PSD2: variants seen among roughly 807,000 people sequenced by gnomAD.
PSD2 encodes the protein PH and SEC7 domain-containing protein 2.
Under a neutral mutation model 69.8 loss-of-function variants are expected in PSD2, and 38 were observed. The observed-to-expected ratio is 0.54, with a 90% confidence interval of 0.42 to 0.71. The LOEUF (loss-of-function observed/expected upper bound fraction) is 0.71. Among genes scored for constraint, PSD2 ranks in the 30% least tolerant of loss-of-function variants. The probability of loss-of-function intolerance (pLI) is 0.00; values close to 1 mark genes in which losing one functional copy is unlikely to be tolerated. For missense variants in PSD2, 943 were observed against 1,014.5 expected (o/e 0.93, Z 0.96); for synonymous variants, 412 against 423.0 (o/e 0.97, Z 0.32).
intron 1 of PSD2, among the ~76,000 whole-genome samples, chr5:139,808,427 C>T (rs1446268994): frequency 6.6e-6 from 1 of 152,152 alleles, no homozygotes; most frequent in African/African-American, 2.4e-5. Flanking sequence ...AAATGGGTCT[C>T]CTCATTTTAC....
the PSD2 span, among the ~76,000 whole-genome samples, chr5:139,768,567 T>A: frequency 6.6e-6 from 1 of 151,950 alleles, no homozygotes; most frequent in Non-Finnish European, 1.5e-5. Context: ...CTACTAAAAA[T>A]ACAAAATTAG....
chr5:139,746,820 G>A, the PSD2 span, among the ~76,000 whole-genome samples: 1 of 152,192 alleles, frequency 6.6e-6, no homozygotes, highest in Non-Finnish European at 1.5e-5. The surrounding 1 kb of genome is among the most constrained non-coding windows in gnomAD (Gnocchi z 4.5). Flanking sequence ...GTGGCGTAGC[G>A]ATGGAGGGCG....
chr5:139,808,054 G>C (rs1420685214), intron 1 of PSD2, among the ~76,000 whole-genome samples: 1 of 152,200 alleles, frequency 6.6e-6, no homozygotes, highest in African/African-American at 2.4e-5. Context: ...AGCCTAGAAG[G>C]GCAGCCAGTG....
the PSD2 span, among the ~76,000 whole-genome samples, chr5:139,790,784 T>C: frequency 1.3e-5 from 2 of 152,000 alleles, no homozygotes; most frequent in South Asian, 4.2e-4. Context: ...GGTTCATGCT[T>C]GTAATCCCAG....
intron 5 of PSD2, among the ~76,000 whole-genome samples, chr5:139,819,126 T>C (rs1165768387): frequency 3.3e-5 from 5 of 152,256 alleles, no homozygotes; most frequent in Non-Finnish European, 5.9e-5. Flanking sequence ...CTGTATACTT[T>C]GTATAGAATT....
chr5:139,750,451 C>T, the PSD2 span, among the ~76,000 whole-genome samples: 1 of 152,244 alleles, frequency 6.6e-6, no homozygotes, highest in Non-Finnish European at 1.5e-5. Context: ...CTCAGGAGGG[C>T]TGCCCTCCAT....
Position 139,842,585 on chromosome 5 carries a change from T to C in PSD2, c.*111T>C, listed in dbSNP as rs2126974415. On this transcript the variant is annotated 3_prime_UTR_variant, in exon 15 of 15. Transcript: ENST00000274710. ...AAGCTCCAGTCAGTTGATGGGCAGC[T>C]AGAGGGGTGCAGAAAGCCTGTGGGC... 1 of 950,320 alleles carries C rather than the reference T, an allele frequency of 1.1e-6. No homozygotes were observed. The highest frequency in any genetic ancestry group is 1.6e-6 in the Non-Finnish European group (1 of 618,922). 58.9% of individuals were successfully genotyped at this position (950,320 alleles called of 1,614,324 possible). A position where few individuals can be genotyped will look rare whatever the true frequency, so the allele number is the denominator to read the frequency against.
chr5:139,818,276 G>A (rs1209531452), intron 5 of PSD2, among the ~76,000 whole-genome samples: 1 of 152,160 alleles, frequency 6.6e-6, no homozygotes, highest in Admixed American at 6.5e-5. Context: ...CAGGCACAGT[G>A]GCTCATACCT....
At chr5:139,840,310 C>A in intron 14 of PSD2, 140 bp downstream of exon 14, 1 of 945,552 alleles carries the variant, frequency 1.1e-6, no homozygotes. Context: ...ACAGGGTCCC[C>A]TGACCTTTAG....
intron 1 of PSD2, 149 bp downstream of exon 1, chr5:139,796,124 C>T (rs1401117135): frequency 1.3e-5 from 2 of 152,202 alleles, no homozygotes; most frequent in Non-Finnish European, 2.9e-5. Flanking sequence ...AGCTACATTT[C>T]CAGATCAATT....
chr5:139,807,350 G>GC (rs985578197), intron 1 of PSD2, among the ~76,000 whole-genome samples: 11 of 149,320 alleles, frequency 7.4e-5, no homozygotes, highest in South Asian at 2.1e-4. Context: ...CTTTCTAAAT[G>GC]CCCCCCCTCC....
chr5:139,822,802 C>G lies in PSD2; in HGVS notation c.1269+18C>G, dbSNP rs1050379891. ...ACGGCCACGTGAGTTGGGGAGGTGACGGGGGGTGTCGCATGTCCTCTCAGG... is the reference window on the plus strand; with the variant it reads ...ACGGCCACGTGAGTTGGGGAGGTGAGGGGGGGTGTCGCATGTCCTCTCAGG... On this transcript the variant is annotated intron_variant, in intron 7 of 14. Coordinates refer to ENST00000274710, the MANE Select transcript of PSD2 (RefSeq NM_032289.4). 1 of 1,597,282 alleles carries G rather than the reference C, an allele frequency of 6.3e-7. No homozygotes were observed. The highest frequency in any genetic ancestry group is 2.3e-5 in the East Asian group (1 of 43,706).
At chr5:139,747,021 C>T in the PSD2 span, among the ~76,000 whole-genome samples, 1 of 152,168 alleles carries the variant, frequency 6.6e-6, no homozygotes, top group Non-Finnish European at 1.5e-5. The surrounding 1 kb of genome is among the most constrained non-coding windows in gnomAD (Gnocchi z 6.7). Flanking sequence ...CGCCCTCCTC[C>T]CACTTTCATT....
chr5:139,813,110 T>G (rs1445572988), intron 2 of PSD2, among the ~76,000 whole-genome samples, 199 bp from the exon 3 acceptor site: 4 of 152,194 alleles, frequency 2.6e-5, no homozygotes, highest in Non-Finnish European at 5.9e-5. Context: ...CCAGGTCTGC[T>G]CTTTTCCCTG....
chr5:139,804,409 A>G (rs1023729847), intron 1 of PSD2, among the ~76,000 whole-genome samples: 5 of 152,192 alleles, frequency 3.3e-5, no homozygotes, highest in Admixed American at 2.6e-4. Flanking sequence ...TCAAGGATGG[A>G]TAGAGGGCTT....
At chr5:139,766,907 C>CTTT in the PSD2 span, among the ~76,000 whole-genome samples, 2 of 48,438 alleles carry the variant, frequency 4.1e-5, no homozygotes, top group African/African-American at 6.1e-5. Context: ...CTCTTTCCCT[C>CTTT]CCTTCCTTCC....
intron 9 of PSD2, 95 bp downstream of exon 9, chr5:139,835,861 G>A (rs1179515185): frequency 8.2e-7 from 1 of 1,213,908 alleles, no homozygotes; most frequent in African/African-American, 1.5e-5. Flanking sequence ...ACTCTCCATG[G>A]TGCTGATCCC....
chr5:139,750,846 G>T, the PSD2 span, among the ~76,000 whole-genome samples: 4 of 152,218 alleles, frequency 2.6e-5, no homozygotes, highest in Non-Finnish European at 5.9e-5. Context: ...TGGATCTGAG[G>T]CCTGGGGCAA....
the PSD2 span, among the ~76,000 whole-genome samples, chr5:139,785,181 TCTC>T: frequency 6.5e-4 from 57 of 88,158 alleles, no homozygotes; most frequent in South Asian, 0.019. Flanking sequence ...TGTCTTCTCT[TCTC>T]CTCTCCTCTC....
Sources: allele counts gnomAD v4.1 joint callset (sites outside exome capture counted in the v4.1 genomes callset), GRCh38; gene constraint gnomAD v4.1.1; non-coding constraint Gnocchi (gnomAD v3.1); transcripts MANE v1.5; gene names NCBI Gene and HGNC (gene_info 2026-07-23, HGNC 2026-07-21).